Variants in ERBB4 observed in about 807,000 individuals in gnomAD.
ERBB4 encodes the protein erb-b2 receptor tyrosine kinase 4.
In ERBB4, 42 loss-of-function variants were observed where a neutral mutation model predicts 158.0. That is an observed-to-expected ratio of 0.27 (90% CI 0.21 to 0.34). The LOEUF is 0.34. ERBB4 is among the 10% of genes least tolerant of loss of function. ERBB4 has a pLI of 1.00. For missense variants in ERBB4, 1,333 were observed against 1,624.1 expected (o/e 0.82, Z 3.08); for synonymous variants, 583 against 558.7 (o/e 1.04, Z -0.61).
At chr2:211,744,209 C>A (rs2074890257) in intron 5 of ERBB4, among the ~76,000 whole-genome samples, 1 of 152,124 alleles carries the variant, frequency 6.6e-6, no homozygotes, top group Non-Finnish European at 1.5e-5. Flanking sequence ...GGAACAATGA[C>A]ACAATTAAAT....
At chr2:211,997,275 T>C (rs1283008104) in intron 2 of ERBB4, among the ~76,000 whole-genome samples, 1 of 152,132 alleles carries the variant, frequency 6.6e-6, no homozygotes, top group Non-Finnish European at 1.5e-5. Context: ...TTCATTCCAT[T>C]TTATAAAAAT....
chr2:211,846,913 C>T (rs1228822755), intron 3 of ERBB4, among the ~76,000 whole-genome samples: 1 of 152,092 alleles, frequency 6.6e-6, no homozygotes, highest in Non-Finnish European at 1.5e-5. Flanking sequence ...AAATAAAGAG[C>T]TGTCCAGCAC....
Position 211,379,436 on chromosome 2 carries a change from C to T in ERBB4, c.*4179G>A, listed in dbSNP as rs923184310. 2 of 229,514 alleles carry T rather than the reference C, an allele frequency of 8.7e-6. No individual in the cohort carries two copies. Among genetic ancestry groups the T allele is most frequent in the African/African-American group, 4.4e-5 (2 of 45,142 alleles). 14.2% of individuals were successfully genotyped at this position (229,514 alleles called of 1,614,324 possible). On this transcript the variant is annotated 3_prime_UTR_variant, in exon 28 of 28. Transcript: ENST00000342788. Reference sequence around the variant, plus strand: ...TGAGAAAAAATTGTTCATTGTAATGCTTTAAAGCAAGTTTTCCCAAGTGGA... The same window carrying T: ...TGAGAAAAAATTGTTCATTGTAATGTTTTAAAGCAAGTTTTCCCAAGTGGA...
At chr2:211,953,390 A>C (rs1266553209) in intron 2 of ERBB4, among the ~76,000 whole-genome samples, 1 of 151,726 alleles carries the variant, frequency 6.6e-6, no homozygotes, top group Non-Finnish European at 1.5e-5. Context: ...TAATTTAAAA[A>C]AGTAAATAAA....
intron 19 of ERBB4, among the ~76,000 whole-genome samples, chr2:211,583,519 GATA>G: frequency 6.5e-5 from 1 of 15,456 alleles, no homozygotes; most frequent in Non-Finnish European, 4.8e-4. Context: ...ATTTTCCCTA[GATA>G]AATTACTTTT....
intron 2 of ERBB4, among the ~76,000 whole-genome samples, chr2:212,101,092 C>T (rs2125516696): frequency 6.6e-6 from 1 of 151,830 alleles, no homozygotes; most frequent in East Asian, 1.9e-4. Context: ...ACGAGTCTAT[C>T]AGGAAGTCAA....
intron 20 of ERBB4, among the ~76,000 whole-genome samples, chr2:211,554,155 G>C (rs1383870211): frequency 6.6e-6 from 1 of 152,218 alleles, no homozygotes; most frequent in African/African-American, 2.4e-5. Context: ...GCAGTGATGT[G>C]TGTGTGTATG....
At chr2:211,780,401 T>A (rs1380593022) in intron 4 of ERBB4, among the ~76,000 whole-genome samples, 1 of 152,166 alleles carries the variant, frequency 6.6e-6, no homozygotes, top group South Asian at 2.1e-4. Context: ...AAAATAAAGA[T>A]GTATATTGAA....
intron 20 of ERBB4, among the ~76,000 whole-genome samples, chr2:211,519,316 T>C (rs1007299884): frequency 1.3e-5 from 2 of 152,202 alleles, no homozygotes; most frequent in African/African-American, 4.8e-5. Context: ...CCTATTAATA[T>C]AGACTGTAGA....
intron 12 of ERBB4, among the ~76,000 whole-genome samples, chr2:211,681,494 C>CA (rs1408329802): frequency 6.6e-6 from 1 of 152,240 alleles, no homozygotes; most frequent in African/African-American, 2.4e-5. Context: ...GAACACAACT[C>CA]AAAATTTAGT....
intron 17 of ERBB4, among the ~76,000 whole-genome samples, chr2:211,626,398 A>G (rs1460792339): frequency 6.6e-6 from 1 of 152,204 alleles, no homozygotes; most frequent in Non-Finnish European, 1.5e-5. Context: ...AAGTGTATGC[A>G]AACAATATAT....
chr2:211,647,945 C>T (rs1274671838), intron 16 of ERBB4, among the ~76,000 whole-genome samples: 1 of 151,648 alleles, frequency 6.6e-6, no homozygotes, highest in Non-Finnish European at 1.5e-5. Flanking sequence ...CGTACTATAC[C>T]TTTCTCTTCT....
intron 3 of ERBB4, among the ~76,000 whole-genome samples, chr2:211,789,093 C>T (rs1320924004): frequency 2.0e-5 from 3 of 152,106 alleles, no homozygotes; most frequent in East Asian, 3.9e-4. Flanking sequence ...AATATATCCT[C>T]TGAAAATATT....
intron 3 of ERBB4, among the ~76,000 whole-genome samples, chr2:211,944,164 C>CTATATATATATATA (rs71397155): frequency 9.9e-6 from 1 of 100,894 alleles, no homozygotes; most frequent in African/African-American, 4.2e-5. Context: ...TATATATACA[C>CTATATATATATATA]TATATATATA....
chr2:211,923,792 G>A lies in ERBB4; in HGVS notation c.421+23638C>T, dbSNP rs1227816688. ...GACTAGAGTATAATGGCACAATCTC[G>A]GCTCACTGTAACCTCCACCTCCTGG... is the stretch of plus-strand genomic sequence containing the variant. On this transcript the variant is annotated intron_variant, in intron 3 of 27. Transcript: ENST00000342788. Among the ~76,000 whole-genome samples the A allele has an allele frequency of 7.2e-5, 11 of 152,030 alleles. No individual in the cohort carries two copies. In the East Asian group the frequency reaches 1.2e-3, roughly 16 times the overall value.
intron 9 of ERBB4, among the ~76,000 whole-genome samples, chr2:211,710,783 G>A (rs1208109188): frequency 6.6e-6 from 1 of 151,984 alleles, no homozygotes; most frequent in African/African-American, 2.4e-5. Context: ...ACTGTCTCTT[G>A]CCTGCCACCA....
intron 2 of ERBB4, among the ~76,000 whole-genome samples, chr2:211,984,735 T>C (rs1369310163): frequency 2.0e-5 from 3 of 152,150 alleles, no homozygotes; most frequent in Non-Finnish European, 4.4e-5. Flanking sequence ...GTTTAGCATA[T>C]AACATTTTTT....
At chr2:211,454,183 T>C (rs1261296737) in intron 20 of ERBB4, among the ~76,000 whole-genome samples, 1 of 152,202 alleles carries the variant, frequency 6.6e-6, no homozygotes, top group Non-Finnish European at 1.5e-5. Context: ...CAAGCCCTTT[T>C]CTTTTGCACC....
chr2:211,656,998 A>G (rs1482884937), intron 16 of ERBB4, among the ~76,000 whole-genome samples: 1 of 152,184 alleles, frequency 6.6e-6, no homozygotes, highest in African/African-American at 2.4e-5. Flanking sequence ...CCTGCACAAA[A>G]TATTTTCTAT....
Sources: gnomAD v4.1 joint callset for allele counts (sites outside exome capture counted in the v4.1 genomes callset) on GRCh38, gnomAD v4.1.1 for gene constraint, MANE v1.5 for transcripts, NCBI Gene and HGNC (gene_info 2026-07-23, HGNC 2026-07-21) for gene names.